The following SIM1 variants were observed in gnomAD, a reference collection of about 807,000 sequenced individuals.
The protein encoded by SIM1 is SIM bHLH transcription factor 1.
SIM1 carries 18 observed loss-of-function variants against 78.2 expected under a neutral mutation model. The ratio of observed to expected loss-of-function variants is 0.23; its 90% confidence interval spans 0.16 to 0.34. SIM1 has a LOEUF of 0.34. Among genes scored for constraint, SIM1 ranks in the 10% least tolerant of loss-of-function variants. The probability of loss-of-function intolerance (pLI) is 1.00; values close to 1 mark genes in which losing one functional copy is unlikely to be tolerated. For synonymous variants in SIM1, 417 were observed against 385.2 expected, an observed-to-expected ratio of 1.08 and a Z score of -0.97; for missense variants, 939 against 975.1, an observed-to-expected ratio of 0.96 and a Z score of 0.49.
chr6:100,404,311 T>A (rs1357414133), intron 10 of SIM1, among the ~76,000 whole-genome samples: 1 of 152,236 alleles, frequency 6.6e-6, no homozygotes, highest in African/African-American at 2.4e-5. Context: ...ACAATAGATG[T>A]TATAGTTATC....
chr6:100,449,570 G>T (rs370921500), intron 5 of SIM1, 21 bp downstream of exon 5: 81 of 1,596,702 alleles, frequency 5.1e-5, no homozygotes, highest in Non-Finnish European at 6.4e-5. Flanking sequence ...CCTGAGCGTC[G>T]CAGGCATGTG....
At chr6:100,398,030 T>C (rs1037654748) in intron 10 of SIM1, among the ~76,000 whole-genome samples, 2 of 152,076 alleles carry the variant, frequency 1.3e-5, no homozygotes, top group African/African-American at 4.8e-5. Context: ...CTGGCAAAGA[T>C]GTAGGAAAAC....
intron 10 of SIM1, among the ~76,000 whole-genome samples, chr6:100,412,648 A>G (rs1207157026): frequency 1.7e-5 from 2 of 121,014 alleles, no homozygotes; most frequent in African/African-American, 6.4e-5. Flanking sequence ...AAAGAAAGAA[A>G]GAAAGAAAGA....
At chr6:100,450,803 A>T (rs527512221) in intron 3 of SIM1, among the ~76,000 whole-genome samples, 1 of 151,952 alleles carries the variant, frequency 6.6e-6, no homozygotes, top group East Asian at 1.9e-4. Flanking sequence ...TGGGAATAGC[A>T]GTGCAGTAGG....
chr6:100,459,411 A>G (rs1772777573), intron 2 of SIM1, among the ~76,000 whole-genome samples: 1 of 152,210 alleles, frequency 6.6e-6, no homozygotes, highest in South Asian at 2.1e-4. Context: ...TGGAGGGTAA[A>G]CTGTGCTTAA....
At chr6:100,428,433 T>A (rs2114514428) in intron 9 of SIM1, among the ~76,000 whole-genome samples, 1 of 152,306 alleles carries the variant, frequency 6.6e-6, no homozygotes, top group Non-Finnish European at 1.5e-5. Flanking sequence ...AAACATTTTT[T>A]AAAGGTTTAA....
At chr6:100,412,303 G>A (rs1279717927) in intron 10 of SIM1, among the ~76,000 whole-genome samples, 4 of 152,044 alleles carry the variant, frequency 2.6e-5, no homozygotes, top group Admixed American at 1.3e-4. Context: ...TTGGGAGGCC[G>A]AAGCGGGTGG....
chr6:100,398,974 G>A (rs182868122), intron 10 of SIM1, among the ~76,000 whole-genome samples: 2 of 151,270 alleles, frequency 1.3e-5, no homozygotes, highest in African/African-American at 4.9e-5. Context: ...TGTAGTAGTA[G>A]TAGTAGTAGC....
chr6:100,391,082 T>A lies in SIM1; in HGVS notation c.1580A>T (p.His527Leu). The change falls in exon 12 of 12, where the codon CAT becomes CTT. Residue 527 changes from histidine to leucine, a missense_variant. Physicochemically the swap from His to Leu is moderately conservative, Grantham distance 99. Around this residue, in one of 5 missense-constraint regions of SIM1, gnomAD observed 556 missense variants for 521.9 expected, o/e 1.07. Transcript: ENST00000369208. ...ASVHRIHGRGHWDEDSVVSSP... is the reference protein window; with the variant it reads ...ASVHRIHGRGLWDEDSVVSSP... ...ACTGACCACACTATCTTCATCCCAA[T>A]GACCTCGCCCTAAAAATTAGAAAAA... The A allele has an allele frequency of 6.3e-7, 1 of 1,578,468 alleles. No homozygotes were observed. The highest frequency in any genetic ancestry group is 8.6e-7 in the Non-Finnish European group (1 of 1,165,144).
intron 4 of SIM1, 27 bp downstream of exon 4, chr6:100,450,240 G>A: frequency 1.9e-6 from 3 of 1,590,930 alleles, no homozygotes; most frequent in East Asian, 2.2e-5. Context: ...AAACACTGCA[G>A]GTGGGATATG....
At chr6:100,413,889 T>TTACCC (rs1771329439) in intron 10 of SIM1, among the ~76,000 whole-genome samples, 5 of 152,194 alleles carry the variant, frequency 3.3e-5, no homozygotes. Context: ...TTCCACCTCT[T>TTACCC]TACCCTTCTG....
At chr6:100,412,743 GAAA>G (rs1771284557) in intron 10 of SIM1, among the ~76,000 whole-genome samples, 1 of 129,948 alleles carries the variant, frequency 7.7e-6, no homozygotes. Flanking sequence ...AAGAAAGAAA[GAAA>G]GAAAGAAAAA....
At chr6:100,396,393 G>A (rs1332827588) in intron 10 of SIM1, among the ~76,000 whole-genome samples, 2 of 152,106 alleles carry the variant, frequency 1.3e-5, no homozygotes, top group African/African-American at 4.8e-5. Flanking sequence ...ATGGGAAAGT[G>A]CTATTGGCGC....
At chr6:100,459,959 T>C (rs941296261) in intron 2 of SIM1, among the ~76,000 whole-genome samples, 2 of 152,254 alleles carry the variant, frequency 1.3e-5, no homozygotes, top group Non-Finnish European at 2.9e-5. Flanking sequence ...CAAAGATTTA[T>C]ACATTTCCAT....
chr6:100,450,986 T>C (rs1049696849), intron 3 of SIM1, among the ~76,000 whole-genome samples: 10 of 152,250 alleles, frequency 6.6e-5, no homozygotes, highest in South Asian at 6.2e-4. Flanking sequence ...TAAGTTTACA[T>C]TGATACATCA....
chr6:100,412,635 A>G (rs1771247283), intron 10 of SIM1, among the ~76,000 whole-genome samples: 1 of 108,112 alleles, frequency 9.2e-6, no homozygotes, highest in East Asian at 5.0e-4. Flanking sequence ...AAAGAAAGAA[A>G]GAAAAGAAAG....
intron 8 of SIM1, 49 bp downstream of exon 8, chr6:100,448,097 C>A: frequency 1.4e-6 from 2 of 1,471,080 alleles, no homozygotes; most frequent in Non-Finnish European, 1.9e-6. Context: ...ACCCCCTAAC[C>A]AGCGGATGCG....
chr6:100,456,057 C>T (rs1380614205), intron 2 of SIM1, among the ~76,000 whole-genome samples: 2 of 152,160 alleles, frequency 1.3e-5, no homozygotes, highest in Non-Finnish European at 2.9e-5. Context: ...CCACCCCCGC[C>T]ACCTTTTAAG....
chr6:100,449,333 C>G (rs756424684), intron 6 of SIM1, 30 bp downstream of exon 6: 8 of 1,596,440 alleles, frequency 5.0e-6, no homozygotes, highest in Non-Finnish European at 6.9e-6. Context: ...TCCTCTGACT[C>G]CACCCGGAGC....
Sources: allele counts gnomAD v4.1 joint callset (sites outside exome capture counted in the v4.1 genomes callset), GRCh38; gene constraint gnomAD v4.1.1; regional missense constraint gnomAD v4.1.1; transcripts MANE v1.5; gene names NCBI Gene and HGNC (gene_info 2026-07-23, HGNC 2026-07-21).